The following CBR4 variants were observed in gnomAD, a reference collection of about 807,000 sequenced individuals.
The protein encoded by CBR4 is carbonyl reductase 4.
CBR4 carries 22 observed loss-of-function variants against 21.0 expected under a neutral mutation model. The observed-to-expected ratio is 1.05, with a 90% CI of 0.75 to 1.50. The LOEUF (loss-of-function observed/expected upper bound fraction) is 1.50. Ranked by LOEUF, CBR4 falls within the 40% of genes most tolerant of loss-of-function variation. The pLI is 0.00. For synonymous variants in CBR4, 100 were observed against 104.4 expected (o/e 0.96, Z 0.26); for missense variants, 302 against 286.3 (o/e 1.05, Z -0.40).
At chr4:168,986,192 A>G (rs1764687001), downstream of CBR4, among the ~76,000 whole-genome samples, 1 of 152,230 alleles carries the variant, frequency 6.6e-6, no homozygotes, top group Non-Finnish European at 1.5e-5. Context: ...TAATCTAGAG[A>G]TGATGTAAAG....
At chr4:169,008,003 G>A (rs1024435993) in intron 1 of CBR4, among the ~76,000 whole-genome samples, 1 of 152,148 alleles carries the variant, frequency 6.6e-6, no homozygotes, top group South Asian at 2.1e-4. Flanking sequence ...ATCAACAAAG[G>A]GGGGAGGGCT....
chr4:168,978,258 T>C (rs1764430760), intron 2 of CBR4, among the ~76,000 whole-genome samples: 1 of 152,192 alleles, frequency 6.6e-6, no homozygotes, highest in Non-Finnish European at 1.5e-5. Context: ...CAGCCCTCTG[T>C]GTCTGTGTGA....
At chr4:168,932,916 CAA>C (rs1257459943) in intron 2 of CBR4, among the ~76,000 whole-genome samples, 1 of 151,998 alleles carries the variant, frequency 6.6e-6, no homozygotes, top group Non-Finnish European at 1.5e-5. Flanking sequence ...ACTAGCCTTA[CAA>C]GAAACACTCA....
chr4:168,896,597 A>C, intron 2 of CBR4: 1 of 1,500,564 alleles, frequency 6.7e-7, no homozygotes, highest in Non-Finnish European at 9.0e-7. Context: ...GGATGGTCAA[A>C]AGGTTAAGCT....
intron 2 of CBR4, chr4:168,926,152 A>G: frequency 7.6e-7 from 1 of 1,320,750 alleles, no homozygotes. Flanking sequence ...TATTTGAAAT[A>G]TCTAAAGGCT....
chr4:168,926,343 C>T lies in CBR4; in HGVS notation n.170-31578G>A, dbSNP rs777453756. ...TCCAACCTGAGGCCAACCCATCTCA[C>T]CTGACACTGAATACTGCCTTGGTAG... is the stretch of plus-strand genomic sequence containing the variant. On this transcript the variant is annotated intron_variant and non_coding_transcript_variant, in intron 2 of 3. Coordinates refer to the CBR4 transcript ENST00000509108. 43 of 1,537,390 alleles carry T rather than the reference C, an allele frequency of 2.8e-5. No individual in the cohort carries two copies. The highest frequency in any genetic ancestry group is 3.7e-5 in the Non-Finnish European group (42 of 1,146,860).
intron 4 of CBR4, among the ~76,000 whole-genome samples, chr4:168,993,067 C>T (rs1184100990): frequency 6.6e-6 from 1 of 152,188 alleles, no homozygotes; most frequent in African/African-American, 2.4e-5. Flanking sequence ...ATACTAGCCT[C>T]TGCAGAATTT....
At position 168,988,659 on chromosome 4, in the gene CBR4, TACC is replaced by T. The variant is rs1363255306; in HGVS notation, c.*1488_*1490del. ...GTAATGCCTGATAAATTCTGTATAT[TACC>T]ACGTCTTGCATTTAATAGACAATTT... On this transcript the variant is annotated 3_prime_UTR_variant, in exon 5 of 5. Coordinates refer to ENST00000306193, the MANE Select transcript of CBR4 (RefSeq NM_032783.5). 2 of 984,116 alleles carry T rather than the reference TACC, an allele frequency of 2.0e-6. No individual in the cohort carries two copies. The highest frequency in any genetic ancestry group is 2.4e-6 in the Non-Finnish European group (2 of 828,718). The allele number at this position is 984,116 out of a possible 1,614,324, so 61.0% of individuals were successfully genotyped here. A position where few individuals can be genotyped will look rare whatever the true frequency, so the allele number is the denominator to read the frequency against.
intron 2 of CBR4, among the ~76,000 whole-genome samples, chr4:168,973,444 C>T (rs963320769): frequency 3.3e-5 from 5 of 152,212 alleles, no homozygotes; most frequent in Admixed American, 2.0e-4. Context: ...TCTCCTGCCT[C>T]AGCCTCCCAA....
chr4:168,915,835 A>G, intron 2 of CBR4: 1 of 1,358,368 alleles, frequency 7.4e-7, no homozygotes, highest in East Asian at 2.3e-5. Flanking sequence ...CAGATGACTA[A>G]AAGTCTGGAA....
intron 2 of CBR4, among the ~76,000 whole-genome samples, chr4:168,969,877 C>T (rs751503995): frequency 5.9e-5 from 9 of 152,180 alleles, no homozygotes; most frequent in Non-Finnish European, 8.8e-5. Context: ...AAAAAAGATT[C>T]ATAGGTAATT....
chr4:168,993,513 C>T (rs955912253), intron 4 of CBR4, among the ~76,000 whole-genome samples: 1 of 152,052 alleles, frequency 6.6e-6, no homozygotes, highest in Non-Finnish European at 1.5e-5. Flanking sequence ...GCCCAGCCAA[C>T]AAAAGTATTT....
chr4:168,910,873 A>G (rs1758803774), intron 2 of CBR4, among the ~76,000 whole-genome samples: 1 of 152,176 alleles, frequency 6.6e-6, no homozygotes, highest in South Asian at 2.1e-4. Context: ...TAAATATGAA[A>G]GAATTTTAGA....
chr4:169,003,088 T>C (rs1156920911), intron 3 of CBR4, among the ~76,000 whole-genome samples: 1 of 152,218 alleles, frequency 6.6e-6, no homozygotes, highest in Non-Finnish European at 1.5e-5. Flanking sequence ...CTTCAGCTCA[T>C]GGATCAAGGG....
At chr4:168,935,010 G>A (rs1430574813) in intron 2 of CBR4, among the ~76,000 whole-genome samples, 1 of 152,146 alleles carries the variant, frequency 6.6e-6, no homozygotes, top group Non-Finnish European at 1.5e-5. Context: ...GAACAGCTCC[G>A]GTCTGCAACC....
chr4:168,967,217 G>A (rs1453471287), intron 2 of CBR4, among the ~76,000 whole-genome samples: 1 of 152,170 alleles, frequency 6.6e-6, no homozygotes, highest in Non-Finnish European at 1.5e-5. Flanking sequence ...GGACATTGAT[G>A]AAGCTGGAAA....
At chr4:168,998,583 G>C (rs903838922) in intron 4 of CBR4, among the ~76,000 whole-genome samples, 1 of 152,144 alleles carries the variant, frequency 6.6e-6, no homozygotes, top group African/African-American at 2.4e-5. Flanking sequence ...TGATGAAAAC[G>C]TTCTAAAATT....
At chr4:169,004,745 A>C (rs1730760224) in intron 3 of CBR4, among the ~76,000 whole-genome samples, 1 of 152,208 alleles carries the variant, frequency 6.6e-6, no homozygotes, top group African/African-American at 2.4e-5. Flanking sequence ...TGTCAATCTA[A>C]ATTGGCAAAG....
intron 2 of CBR4, among the ~76,000 whole-genome samples, chr4:168,971,436 ATTTTTTT>A (rs70961566): frequency 1.8e-5 from 2 of 114,118 alleles, no homozygotes; most frequent in African/African-American, 7.2e-5. Flanking sequence ...TGCCCAGCTC[ATTTTTTT>A]TTTTTTTTTT....
Sources: allele counts gnomAD v4.1 joint callset (sites outside exome capture counted in the v4.1 genomes callset), GRCh38; gene constraint gnomAD v4.1.1; transcripts MANE v1.5; gene names NCBI Gene and HGNC (gene_info 2026-07-23, HGNC 2026-07-21).